ATP8A2: variants seen among roughly 807,000 people sequenced by gnomAD.
ATP8A2 encodes the protein phospholipid-transporting ATPase IB.
Under a neutral mutation model 165.6 loss-of-function variants are expected in ATP8A2, and 100 were observed. The ratio of observed to expected loss-of-function variants is 0.60; its 90% confidence interval spans 0.51 to 0.71. ATP8A2 has a LOEUF of 0.71. ATP8A2 is among the 30% of genes least tolerant of loss of function. ATP8A2 has a pLI of 0.00. For synonymous variants in ATP8A2, 543 were observed against 548.8 expected, an observed-to-expected ratio of 0.99 and a Z score of 0.15; for missense variants, 1,227 against 1,479.5, an observed-to-expected ratio of 0.83 and a Z score of 2.80.
intron 1 of ATP8A2, among the ~76,000 whole-genome samples, chr13:25,413,518 G>A (rs1487156496): frequency 6.6e-6 from 1 of 152,052 alleles, no homozygotes; most frequent in Non-Finnish European, 1.5e-5. Flanking sequence ...CTGGCCTCAG[G>A]TGATCTGCCC....
intron 25 of ATP8A2, among the ~76,000 whole-genome samples, chr13:25,747,152 A>G (rs217863): frequency 0.013 from 1,967 of 152,348 alleles, 45 homozygotes; most frequent in African/African-American, 0.045. Context: ...CTGTATACAT[A>G]TAAGAAAACT....
chr13:25,916,244 G>A (rs1186347410), intron 33 of ATP8A2, among the ~76,000 whole-genome samples: 1 of 152,214 alleles, frequency 6.6e-6, no homozygotes, highest in Non-Finnish European at 1.5e-5. Flanking sequence ...GCTCCTGCTG[G>A]TCTGTGGCCA....
chr13:25,878,278 A>G (rs1051143280), intron 33 of ATP8A2, among the ~76,000 whole-genome samples: 3 of 152,096 alleles, frequency 2.0e-5, no homozygotes, highest in Non-Finnish European at 4.4e-5. Flanking sequence ...GTCGAAACAA[A>G]TGAACCTAGA....
intron 24 of ATP8A2, among the ~76,000 whole-genome samples, chr13:25,634,979 G>A (rs2041334283): frequency 6.6e-6 from 1 of 152,070 alleles, no homozygotes; most frequent in Non-Finnish European, 1.5e-5. Flanking sequence ...AATATCTCCT[G>A]AAATTGCTCT....
intron 1 of ATP8A2, among the ~76,000 whole-genome samples, chr13:25,458,666 G>T (rs142875955): frequency 1.3e-5 from 2 of 152,358 alleles, no homozygotes; most frequent in East Asian, 1.9e-4. Flanking sequence ...GAGGAGGAAA[G>T]AAAGCAATGT....
intron 27 of ATP8A2, among the ~76,000 whole-genome samples, chr13:25,825,858 A>C (rs919569719): frequency 6.6e-6 from 1 of 152,098 alleles, no homozygotes; most frequent in Non-Finnish European, 1.5e-5. Flanking sequence ...CTTCACCGAG[A>C]ATAGCCAGAC....
At chr13:25,803,030 C>T (rs962030496) in intron 27 of ATP8A2, among the ~76,000 whole-genome samples, 1 of 149,922 alleles carries the variant, frequency 6.7e-6, no homozygotes, top group Non-Finnish European at 1.5e-5. Flanking sequence ...TTTTTAAAGG[C>T]GTGAAGGATG....
At chr13:25,951,198 C>T (rs1955347747) in intron 33 of ATP8A2, among the ~76,000 whole-genome samples, 1 of 152,186 alleles carries the variant, frequency 6.6e-6, no homozygotes, top group Non-Finnish European at 1.5e-5. Flanking sequence ...TAAATAGCAG[C>T]CTTATTCTTA....
At chr13:25,688,316 G>A (rs995157470) in intron 24 of ATP8A2, among the ~76,000 whole-genome samples, 1 of 152,036 alleles carries the variant, frequency 6.6e-6, no homozygotes. Context: ...GGTGAGGAGA[G>A]CCCCAACCTG....
chr13:25,398,558 T>C (rs778128923), intron 1 of ATP8A2, among the ~76,000 whole-genome samples: 10 of 152,202 alleles, frequency 6.6e-5, no homozygotes, highest in Non-Finnish European at 1.3e-4. Flanking sequence ...ATCTGGTGCA[T>C]GGGGACAGCC....
chr13:25,782,984 A>T (rs1200854892), intron 27 of ATP8A2, among the ~76,000 whole-genome samples: 1 of 151,998 alleles, frequency 6.6e-6, no homozygotes, highest in African/African-American at 2.4e-5. Context: ...CAGGTGATCC[A>T]CATGCCTCAG....
chr13:25,833,606 A>T (rs1365707597), intron 28 of ATP8A2, among the ~76,000 whole-genome samples: 2 of 152,176 alleles, frequency 1.3e-5, no homozygotes, highest in African/African-American at 4.8e-5. Flanking sequence ...TAGTGGGGAA[A>T]GTTTGGCCTC....
chr13:25,731,770 C>T (rs976551378), intron 25 of ATP8A2, among the ~76,000 whole-genome samples: 4 of 152,150 alleles, frequency 2.6e-5, no homozygotes, highest in African/African-American at 4.8e-5. Context: ...CATGAGGTGA[C>T]GAATACAAAT....
intron 1 of ATP8A2, among the ~76,000 whole-genome samples, chr13:25,468,559 G>A (rs2035734931): frequency 6.6e-6 from 1 of 152,222 alleles, no homozygotes. Context: ...CAGTTCCCGG[G>A]ACTAGAGGGT....
At chr13:25,615,125 C>T (rs2040788994) in intron 24 of ATP8A2, among the ~76,000 whole-genome samples, 1 of 152,116 alleles carries the variant, frequency 6.6e-6, no homozygotes, top group Non-Finnish European at 1.5e-5. Flanking sequence ...TTGTCTTCGG[C>T]TACCAGGGTG....
intron 27 of ATP8A2, among the ~76,000 whole-genome samples, chr13:25,803,551 T>A (rs1456545878): frequency 1.3e-5 from 2 of 152,202 alleles, no homozygotes; most frequent in Non-Finnish European, 2.9e-5. Context: ...ATATAATAAG[T>A]AAATATCACA....
chr13:25,957,569 C>A (rs1011054249), intron 33 of ATP8A2, among the ~76,000 whole-genome samples: 1 of 152,154 alleles, frequency 6.6e-6, no homozygotes, highest in Non-Finnish European at 1.5e-5. Context: ...CATGAGATAC[C>A]ATTTGACGCC....
rs140083625 is a variant in ATP8A2, at chr13:25,376,686, C to T, written c.76+4398C>T. 1.9e-3 allele frequency among the ~76,000 whole-genome samples: 286 copies of T among 152,306 alleles called. 2 individuals carry two copies. The highest frequency in any genetic ancestry group is 5.9e-3 in the African/African-American group (247 of 41,578). ...CATGTTAGATTTCTCCCATGCTGCC[C>T]ATCGTCATCTAAGGCAAAGTCCTCC... On this transcript the variant is annotated intron_variant, in intron 1 of 36. Coordinates refer to ENST00000381655, the MANE Select transcript of ATP8A2 (RefSeq NM_016529.6).
At chr13:26,010,973 A>C (rs1006375333) in intron 35 of ATP8A2, among the ~76,000 whole-genome samples, 3 of 151,810 alleles carry the variant, frequency 2.0e-5, no homozygotes, top group Admixed American at 6.5e-5. Context: ...CCAGGGCCCC[A>C]CTCCTCTTTC....
Sources: gnomAD v4.1 joint callset for allele counts (sites outside exome capture counted in the v4.1 genomes callset) on GRCh38, gnomAD v4.1.1 for gene constraint, MANE v1.5 for transcripts, NCBI Gene and HGNC (gene_info 2026-07-23, HGNC 2026-07-21) for gene names.